The following DPP10 variants were observed in gnomAD, a reference collection of about 807,000 sequenced individuals.
DPP10 encodes the protein inactive dipeptidyl peptidase 10.
Under a neutral mutation model 120.9 loss-of-function variants are expected in DPP10, and 33 were observed. The ratio of observed to expected loss-of-function variants is 0.27; its 90% CI spans 0.21 to 0.37. The LOEUF is 0.37. Ranked by LOEUF, DPP10 falls within the 10% of genes least tolerant of loss-of-function variation. The pLI is 1.00. For missense variants in DPP10, 816 were observed against 942.8 expected (o/e 0.87, Z 1.76); for synonymous variants, 337 against 326.1 (o/e 1.03, Z -0.36).
chr2:115,151,966 T>C lies in DPP10; in HGVS notation c.61-157273T>C, dbSNP rs561385659. ...CTTATTCCTACTATGCTGTTTCTTT[T>C]CTTTCTAATTTTTTCTTGAGTTTGA... On this transcript the variant is annotated intron_variant, in intron 1 of 25. Transcript: ENST00000410059. 3.9e-5 allele frequency among the ~76,000 whole-genome samples: 6 copies of C among 152,262 alleles called. No homozygotes were observed. The East Asian group carries it at 1.2e-3, about 29-fold the overall frequency.
intron 1 of DPP10, among the ~76,000 whole-genome samples, chr2:114,780,005 G>A (rs1463629998): frequency 2.0e-5 from 3 of 151,832 alleles, no homozygotes; most frequent in East Asian, 3.9e-4. Flanking sequence ...GTGTGGTGGT[G>A]GTCGCCTGTA....
intron 1 of DPP10, among the ~76,000 whole-genome samples, chr2:115,070,640 A>G (rs1459450178): frequency 6.6e-6 from 1 of 152,170 alleles, no homozygotes; most frequent in African/African-American, 2.4e-5. Flanking sequence ...CAGCCATATG[A>G]TTATAGTATA....
chr2:114,982,781 T>C (rs551585844), intron 1 of DPP10, among the ~76,000 whole-genome samples: 1 of 151,914 alleles, frequency 6.6e-6, no homozygotes, highest in African/African-American at 2.4e-5. Flanking sequence ...TTGCATTTTT[T>C]TTTTTTGTAG....
intron 4 of DPP10, among the ~76,000 whole-genome samples, chr2:115,513,805 TG>T (rs1280661535): frequency 8.6e-5 from 13 of 151,970 alleles, no homozygotes; most frequent in Non-Finnish European, 1.8e-4. Context: ...TACAAGCAAA[TG>T]TGTTTATGTT....
intron 1 of DPP10, among the ~76,000 whole-genome samples, chr2:115,128,626 A>G (rs1281696663): frequency 6.6e-6 from 1 of 152,244 alleles, no homozygotes; most frequent in East Asian, 1.9e-4. Context: ...CCATTAGAAC[A>G]TGTGTAGTCT....
At chr2:115,696,980 G>T (rs1406339299) in intron 7 of DPP10, among the ~76,000 whole-genome samples, 1 of 152,062 alleles carries the variant, frequency 6.6e-6, no homozygotes, top group Non-Finnish European at 1.5e-5. Context: ...CAACGTTTTT[G>T]AATGTTATTG....
intron 1 of DPP10, among the ~76,000 whole-genome samples, chr2:115,222,826 T>C (rs2057244142): frequency 6.6e-6 from 1 of 152,140 alleles, no homozygotes; most frequent in Admixed American, 6.6e-5. Context: ...CTATTGCAAA[T>C]TTGGGGCTCT....
intron 17 of DPP10, among the ~76,000 whole-genome samples, chr2:115,783,764 A>G (rs1167427689): frequency 1.3e-5 from 2 of 152,186 alleles, no homozygotes; most frequent in Non-Finnish European, 2.9e-5. Context: ...AATGGAAAGA[A>G]GGTTGAATCT....
At chr2:115,804,944 A>T (rs891156428) in intron 19 of DPP10, among the ~76,000 whole-genome samples, 10 of 152,084 alleles carry the variant, frequency 6.6e-5, no homozygotes, top group Non-Finnish European at 1.0e-4. Flanking sequence ...GAAAACTACT[A>T]CTCTCTTCAA....
At position 115,192,922 on chromosome 2, in the gene DPP10, C is replaced by T. The variant is rs952976059; in HGVS notation, c.61-116317C>T. 2.3e-4 allele frequency among the ~76,000 whole-genome samples: 35 copies of T among 151,524 alleles called. 1 individual carries two copies. The highest frequency in any genetic ancestry group is 1.5e-3 in the South Asian group (7 of 4,802). On this transcript the variant is annotated intron_variant, in intron 1 of 25. Coordinates refer to ENST00000410059, the MANE Select transcript of DPP10 (RefSeq NM_020868.6). The stretch of plus-strand genomic sequence containing the variant: ...ATTAAATAAATTAAATCCTTTTACA[C>T]GGAATTTCCTTTACAATTAACGTTT...
intron 3 of DPP10, among the ~76,000 whole-genome samples, chr2:115,364,898 T>C (rs548590717): frequency 6.6e-6 from 1 of 152,072 alleles, no homozygotes; most frequent in East Asian, 1.9e-4. Context: ...AGATGAAATA[T>C]AAGTAGTAGA....
intron 1 of DPP10, among the ~76,000 whole-genome samples, chr2:114,675,208 A>G (rs1179331271): frequency 2.0e-5 from 3 of 152,146 alleles, no homozygotes; most frequent in Admixed American, 6.6e-5. Flanking sequence ...GTGGCTTTGT[A>G]TGTGGTTCTT....
chr2:114,612,805 A>T (rs1693384347), intron 1 of DPP10, among the ~76,000 whole-genome samples: 1 of 152,216 alleles, frequency 6.6e-6, no homozygotes, highest in Non-Finnish European at 1.5e-5. Context: ...TTTACATGAA[A>T]ATCATATTTG....
chr2:115,397,533 A>T (rs1026463759), intron 3 of DPP10, among the ~76,000 whole-genome samples: 1 of 152,204 alleles, frequency 6.6e-6, no homozygotes, highest in African/African-American at 2.4e-5. Flanking sequence ...GGTTAGACAT[A>T]TATGAATTAC....
At chr2:114,832,876 A>C (rs1488262644) in intron 1 of DPP10, among the ~76,000 whole-genome samples, 1 of 152,184 alleles carries the variant, frequency 6.6e-6, no homozygotes, top group Non-Finnish European at 1.5e-5. Flanking sequence ...AAAAAATTTA[A>C]GTACTTTAAA....
At chr2:114,745,918 AT>A (rs1678536744) in intron 1 of DPP10, among the ~76,000 whole-genome samples, 1 of 152,062 alleles carries the variant, frequency 6.6e-6, no homozygotes, top group Admixed American at 6.6e-5. Context: ...CCTAATTTTT[AT>A]TTCCCATTGG....
At chr2:114,910,598 G>T (rs910276248) in intron 1 of DPP10, among the ~76,000 whole-genome samples, 2 of 151,760 alleles carry the variant, frequency 1.3e-5, no homozygotes, top group Non-Finnish European at 2.9e-5. Context: ...GTGGTCATTG[G>T]CCTTATTTTG....
chr2:114,883,999 C>A (rs1558841650), intron 1 of DPP10, among the ~76,000 whole-genome samples: 1 of 151,404 alleles, frequency 6.6e-6, no homozygotes, highest in African/African-American at 2.4e-5. Flanking sequence ...CCATTTTTGT[C>A]TTTTTTTGCA....
chr2:115,650,413 G>T (rs572954849), intron 5 of DPP10, among the ~76,000 whole-genome samples: 2 of 144,266 alleles, frequency 1.4e-5, no homozygotes, highest in Non-Finnish European at 3.0e-5. Context: ...TGGGGAAAGG[G>T]GGGGGGGGAT....
Sources: gnomAD v4.1 joint callset for allele counts (sites outside exome capture counted in the v4.1 genomes callset) on GRCh38, gnomAD v4.1.1 for gene constraint, MANE v1.5 for transcripts, NCBI Gene and HGNC (gene_info 2026-07-23, HGNC 2026-07-21) for gene names.